Variants in PIBF1 observed in about 807,000 individuals in gnomAD.
The protein encoded by PIBF1 is progesterone immunomodulatory binding factor 1, also known as progesterone-induced-blocking factor 1.
PIBF1 carries 90 observed loss-of-function variants against 112.5 expected under a neutral mutation model. That is an observed-to-expected ratio of 0.80 (90% CI 0.67 to 0.95). PIBF1 has a LOEUF of 0.95. PIBF1 is among the 40% of genes least tolerant of loss of function. The probability of loss-of-function intolerance (pLI) is 0.00; values close to 1 mark genes in which losing one functional copy is unlikely to be tolerated. For missense variants in PIBF1, 915 were observed against 852.3 expected, an observed-to-expected ratio of 1.07 and a Z score of -0.92; for synonymous variants, 301 against 288.6, an observed-to-expected ratio of 1.04 and a Z score of -0.44.
chr13:72,858,212 C>T (rs1005012064), intron 10 of PIBF1, among the ~76,000 whole-genome samples: 4 of 151,880 alleles, frequency 2.6e-5, no homozygotes, highest in Admixed American at 6.6e-5. Flanking sequence ...CCACCACACC[C>T]GGCTAATTTA....
intron 10 of PIBF1, among the ~76,000 whole-genome samples, chr13:72,859,915 C>G (rs1026660223): frequency 6.6e-6 from 1 of 152,168 alleles, no homozygotes; most frequent in African/African-American, 2.4e-5. Context: ...TAGGCTGTAA[C>G]TACCTACAAG....
chr13:72,911,451 C>T (rs1219162415), intron 12 of PIBF1, among the ~76,000 whole-genome samples: 1 of 152,082 alleles, frequency 6.6e-6, no homozygotes, highest in Non-Finnish European at 1.5e-5. Context: ...TGGAAGTAAA[C>T]TTCCATACAC....
At chr13:72,940,478 A>G (rs1251278537) in intron 14 of PIBF1, among the ~76,000 whole-genome samples, 1 of 152,068 alleles carries the variant, frequency 6.6e-6, no homozygotes, top group East Asian at 1.9e-4. Flanking sequence ...TTATTTTGTC[A>G]TTTCATGGCT....
rs1194890646 is a variant in PIBF1, at chr13:72,821,971, TA to T, written c.798del (p.Val267SerfsTer12). On this transcript the variant is annotated frameshift_variant, in exon 6 of 18. Coordinates refer to ENST00000326291, the MANE Select transcript of PIBF1 (RefSeq NM_006346.4). LOFTEE classifies it high-confidence loss of function. ...QGDYRQENYDKVKSERDALEQ... is the reference protein window; with the variant it reads ...QGDYRQENYDXVKSERDALEQ... ...GTGACTACCGTCAAGAGAACTATGATAAAGTCAAGAGGTAAGTAGTTAAAAT... is the reference window on the plus strand; with the variant it reads ...GTGACTACCGTCAAGAGAACTATGATAAGTCAAGAGGTAAGTAGTTAAAAT... The T allele has an allele frequency of 6.2e-7, 1 of 1,611,354 alleles. No homozygotes were observed. The highest frequency in any genetic ancestry group is 8.5e-7 in the Non-Finnish European group (1 of 1,178,778).
intron 10 of PIBF1, among the ~76,000 whole-genome samples, chr13:72,854,964 G>A (rs1163271906): frequency 1.3e-5 from 2 of 151,756 alleles, no homozygotes; most frequent in African/African-American, 4.8e-5. Flanking sequence ...TGGGCATTAT[G>A]GTAAATATCA....
chr13:72,953,740 TA>T (rs2042366349), intron 14 of PIBF1, among the ~76,000 whole-genome samples: 1 of 152,190 alleles, frequency 6.6e-6, no homozygotes, highest in Non-Finnish European at 1.5e-5. Flanking sequence ...AGTGCTGTGT[TA>T]TTCTGCCTTC....
chr13:72,995,347 A>C (rs17212327), intron 16 of PIBF1, among the ~76,000 whole-genome samples: 9,010 of 152,130 alleles, frequency 0.059, 390 homozygotes, highest in Middle Eastern at 0.15. Context: ...TCCCTTCAGC[A>C]TGATCCCACG....
At chr13:72,952,074 G>T (rs1282366572) in intron 14 of PIBF1, among the ~76,000 whole-genome samples, 1 of 115,470 alleles carries the variant, frequency 8.7e-6, no homozygotes, top group African/African-American at 3.5e-5. Context: ...TTGCTCTGTT[G>T]CCTCGTCTGG....
chr13:72,912,704 C>G (rs929371093), intron 12 of PIBF1, among the ~76,000 whole-genome samples: 8 of 151,984 alleles, frequency 5.3e-5, no homozygotes, highest in African/African-American at 2.4e-5. Flanking sequence ...TGACAACAGC[C>G]CAGGTGTGTA....
chr13:72,946,613 T>C (rs915011354), intron 14 of PIBF1, among the ~76,000 whole-genome samples: 5 of 152,120 alleles, frequency 3.3e-5, no homozygotes, highest in African/African-American at 1.2e-4. Flanking sequence ...TAAAAGCAAG[T>C]TAGTTACTTC....
chr13:72,915,014 CAATAAT>C (rs1163269737), intron 12 of PIBF1, among the ~76,000 whole-genome samples: 1 of 151,760 alleles, frequency 6.6e-6, no homozygotes, highest in Non-Finnish European at 1.5e-5. Flanking sequence ...GGGGAAAAGA[CAATAAT>C]AAAAAATAAT....
intron 10 of PIBF1, among the ~76,000 whole-genome samples, chr13:72,860,314 TG>T (rs2038636599): frequency 7.5e-5 from 2 of 26,746 alleles, no homozygotes; most frequent in Non-Finnish European, 2.0e-4. Flanking sequence ...TAGGGGTGTG[TG>T]TGTGTGTGTG....
At chr13:72,843,763 T>C (rs2037716116) in intron 9 of PIBF1, among the ~76,000 whole-genome samples, 1 of 152,158 alleles carries the variant, frequency 6.6e-6, no homozygotes, top group African/African-American at 2.4e-5. Context: ...TCAAAAGTGC[T>C]TATCTGAGAT....
At chr13:72,814,573 G>A (rs2036179825) in intron 5 of PIBF1, among the ~76,000 whole-genome samples, 1 of 151,558 alleles carries the variant, frequency 6.6e-6, no homozygotes, top group South Asian at 2.1e-4. Context: ...TAAAGATGAG[G>A]AGGAATAAAC....
At chr13:72,874,974 C>T (rs1017386691) in intron 10 of PIBF1, among the ~76,000 whole-genome samples, 12 of 152,042 alleles carry the variant, frequency 7.9e-5, no homozygotes, top group Middle Eastern at 3.2e-3. Flanking sequence ...ACTCTTGGTC[C>T]GGCTACTTTT....
chr13:72,849,176 T>C (rs974415051), intron 9 of PIBF1, among the ~76,000 whole-genome samples: 1 of 152,190 alleles, frequency 6.6e-6, no homozygotes, highest in Non-Finnish European at 1.5e-5. Context: ...ATAGAATTGC[T>C]AGGAAACAAC....
intron 13 of PIBF1, among the ~76,000 whole-genome samples, chr13:72,925,531 T>C (rs1156310537): frequency 1.4e-5 from 2 of 147,080 alleles, no homozygotes; most frequent in Non-Finnish European, 3.0e-5. Context: ...TTTCCTTTTT[T>C]CTTTCTCTCT....
chr13:72,801,759 T>A (rs2035489936), intron 5 of PIBF1, among the ~76,000 whole-genome samples: 1 of 152,204 alleles, frequency 6.6e-6, no homozygotes. Context: ...AGTTCTGGCA[T>A]ATTATTTTTC....
At chr13:72,976,822 C>T (rs996763551) in intron 16 of PIBF1, among the ~76,000 whole-genome samples, 3 of 152,106 alleles carry the variant, frequency 2.0e-5, no homozygotes, top group African/African-American at 7.2e-5. Flanking sequence ...ATCATGTCCT[C>T]ATAATAGTCA....
Sources: gnomAD v4.1 joint callset for allele counts (sites outside exome capture counted in the v4.1 genomes callset) on GRCh38, gnomAD v4.1.1 for gene constraint, MANE v1.5 for transcripts, NCBI Gene and HGNC (gene_info 2026-07-23, HGNC 2026-07-21) for gene names.